PARD3B: variants seen among roughly 807,000 people sequenced by gnomAD.
PARD3B encodes partitioning defective 3 homolog B.
A neutral mutation model predicts 130.2 loss-of-function variants in PARD3B; 103 were observed. The ratio of observed to expected loss-of-function variants is 0.79; its 90% CI spans 0.67 to 0.93. PARD3B has a LOEUF of 0.93. Among genes scored for constraint, PARD3B ranks in the 40% least tolerant of loss-of-function variants. The pLI is 0.00. For synonymous variants in PARD3B, 583 were observed against 553.2 expected (o/e 1.05, Z -0.76); for missense variants, 1,609 against 1,499.2 (o/e 1.07, Z -1.21).
At chr2:205,120,248 A>G (rs945311969) in intron 7 of PARD3B, among the ~76,000 whole-genome samples, 1 of 152,184 alleles carries the variant, frequency 6.6e-6, no homozygotes, top group South Asian at 2.1e-4. Context: ...AGCAATCATT[A>G]TTACTTCTGT....
chr2:205,292,591 CT>C lies in PARD3B; in HGVS notation c.2186-7938del, dbSNP rs1470923747. On this transcript the variant is annotated intron_variant, in intron 16 of 22. Coordinates refer to ENST00000406610, the MANE Select transcript of PARD3B (RefSeq NM_001302769.2). The surrounding 1 kb of genome is among the most constrained non-coding windows in gnomAD (Gnocchi z 5.3). ...GCAGAGAACAACTCATTTCTCCAAA[CT>C]CCTGTTCCCTCCCAGACACACAGTC... is the stretch of plus-strand genomic sequence containing the variant. Among the ~76,000 whole-genome samples the C allele has an allele frequency of 6.6e-6, 1 of 152,182 alleles. No homozygotes were observed. Among genetic ancestry groups the C allele is most frequent in the Non-Finnish European group, 1.5e-5 (1 of 68,046 alleles).
Position 205,525,468 on chromosome 2 carries a change from C to G in PARD3B, c.3180+25437C>G, listed in dbSNP as rs903358213. Among the ~76,000 whole-genome samples the G allele has an allele frequency of 6.6e-6, 1 of 152,012 alleles. No homozygotes were observed. The highest frequency in any genetic ancestry group is 2.4e-5 in the African/African-American group (1 of 41,348). On this transcript the variant is annotated intron_variant, in intron 21 of 22. Coordinates refer to ENST00000406610, the MANE Select transcript of PARD3B (RefSeq NM_001302769.2). The surrounding 1 kb of genome is among the most constrained non-coding windows in gnomAD (Gnocchi z 4.2). ...CTGGGTGTTATGTATGCACAGTTACCTATGAACACAAAAAGGTTTAATTTT... is the reference window on the plus strand; with the variant it reads ...CTGGGTGTTATGTATGCACAGTTACGTATGAACACAAAAAGGTTTAATTTT...
intron 21 of PARD3B, among the ~76,000 whole-genome samples, chr2:205,514,460 G>T (rs1408357813): frequency 6.6e-6 from 1 of 151,978 alleles, no homozygotes; most frequent in Non-Finnish European, 1.5e-5. Flanking sequence ...AACCCACATG[G>T]TGCTATTTCA....
At position 205,229,559 on chromosome 2, in the gene PARD3B, C is replaced by A. The variant is rs1471173534; in HGVS notation, c.2141-16219C>A. 6.6e-6 allele frequency among the ~76,000 whole-genome samples: 1 copy of A among 152,092 alleles called. No individual in the cohort carries two copies. The highest frequency in any genetic ancestry group is 6.5e-5 in the Admixed American group (1 of 15,280). On this transcript the variant is annotated intron_variant, in intron 15 of 22. Coordinates refer to ENST00000406610, the MANE Select transcript of PARD3B (RefSeq NM_001302769.2). This position sits in a 1 kb window ranked among gnomAD's most constrained non-coding sequence, Gnocchi z 5.2. ...ACCTAGAACCGGTGTAGGGCTGACACAAGCACCCTGTGGCCACTACGACTA... is the reference window on the plus strand; with the variant it reads ...ACCTAGAACCGGTGTAGGGCTGACAAAAGCACCCTGTGGCCACTACGACTA...
At position 204,967,203 on chromosome 2, in the gene PARD3B, G is replaced by A. The variant is rs1391028158; in HGVS notation, c.394+1880G>A. On this transcript the variant is annotated intron_variant, in intron 3 of 22. Coordinates refer to ENST00000406610, the MANE Select transcript of PARD3B (RefSeq NM_001302769.2). This position sits in a 1 kb window ranked among gnomAD's most constrained non-coding sequence, Gnocchi z 4.4. Reference sequence around the variant, plus strand: ...GATTAAATGATGAGACTAGCTCACTGTTAGGTGGGAAACATTCCCTTCCAA... The same window carrying A: ...GATTAAATGATGAGACTAGCTCACTATTAGGTGGGAAACATTCCCTTCCAA... Among the ~76,000 whole-genome samples the A allele has an allele frequency of 6.6e-6, 1 of 152,160 alleles. No homozygotes were observed. The highest frequency in any genetic ancestry group is 6.5e-5 in the Admixed American group (1 of 15,276).
chr2:205,162,149 C>T (rs544008160), intron 11 of PARD3B, among the ~76,000 whole-genome samples: 1 of 152,290 alleles, frequency 6.6e-6, no homozygotes, highest in African/African-American at 2.4e-5. Flanking sequence ...GCCAGCTACT[C>T]TAGGACGCCC....
chr2:204,785,876 G>A (rs2041990306), intron 2 of PARD3B, among the ~76,000 whole-genome samples: 1 of 152,144 alleles, frequency 6.6e-6, no homozygotes, highest in East Asian at 1.9e-4. Context: ...CACTTTGGGA[G>A]GCCAAGGCAG....
intron 2 of PARD3B, among the ~76,000 whole-genome samples, chr2:204,707,228 A>G (rs2038210949): frequency 6.6e-6 from 1 of 152,164 alleles, no homozygotes; most frequent in African/African-American, 2.4e-5. Flanking sequence ...AGACCACATG[A>G]AGCCCGAGTG....
intron 2 of PARD3B, among the ~76,000 whole-genome samples, chr2:204,954,676 G>A (rs1236600674): frequency 6.6e-6 from 1 of 152,158 alleles, no homozygotes; most frequent in East Asian, 1.9e-4. Flanking sequence ...TTGTGTTATA[G>A]GCTACCAGGG....
At chr2:204,746,113 T>C (rs2040214724) in intron 2 of PARD3B, among the ~76,000 whole-genome samples, 1 of 142,064 alleles carries the variant, frequency 7.0e-6, no homozygotes, top group African/African-American at 2.6e-5. Flanking sequence ...GTATATCTCC[T>C]AATGCTATCC....
At chr2:204,847,798 G>A (rs2044525529) in intron 2 of PARD3B, among the ~76,000 whole-genome samples, 1 of 152,114 alleles carries the variant, frequency 6.6e-6, no homozygotes, top group Non-Finnish European at 1.5e-5. Flanking sequence ...ATTGTCAAGT[G>A]CCTTAAGTGA....
chr2:205,353,196 A>G (rs1215327876), intron 18 of PARD3B, among the ~76,000 whole-genome samples: 3 of 152,212 alleles, frequency 2.0e-5, no homozygotes, highest in Non-Finnish European at 4.4e-5. Flanking sequence ...ATGCACAGGA[A>G]ACAGTGCAAA....
intron 18 of PARD3B, among the ~76,000 whole-genome samples, chr2:205,339,179 T>C (rs1559678249): frequency 6.6e-6 from 1 of 152,170 alleles, no homozygotes; most frequent in African/African-American, 2.4e-5. Flanking sequence ...CAGTTCATCA[T>C]CTAAGAAATA....
At chr2:205,373,426 GT>G (rs5837970) in intron 18 of PARD3B, among the ~76,000 whole-genome samples, 2,487 of 152,214 alleles carry the variant, frequency 0.016, 228 homozygotes, top group Admixed American at 0.14. Flanking sequence ...TGGATTATGG[GT>G]TTTTTTCTGT....
chr2:204,582,081 A>G (rs2032585242), intron 1 of PARD3B, among the ~76,000 whole-genome samples: 1 of 152,186 alleles, frequency 6.6e-6, no homozygotes. Context: ...CTGGGGAAGT[A>G]GCAGTGACAG....
chr2:205,304,273 G>A (rs2042112252), intron 18 of PARD3B, among the ~76,000 whole-genome samples: 1 of 152,132 alleles, frequency 6.6e-6, no homozygotes, highest in South Asian at 2.1e-4. Flanking sequence ...ACTTGCTGCG[G>A]TCCTGCTATC....
intron 2 of PARD3B, among the ~76,000 whole-genome samples, chr2:204,752,817 A>G (rs1047661825): frequency 2.0e-5 from 3 of 152,124 alleles, no homozygotes; most frequent in African/African-American, 7.2e-5. Context: ...CTCATCTGTG[A>G]GGTTTTAGTT....
Position 205,230,122 on chromosome 2 carries a change from G to A in PARD3B, c.2141-15656G>A, listed in dbSNP as rs1035173919. Among the ~76,000 whole-genome samples the A allele has an allele frequency of 2.0e-5, 3 of 151,928 alleles. No individual in the cohort carries two copies. Among genetic ancestry groups the A allele is most frequent in the South Asian group, 2.1e-4 (1 of 4,820 alleles). ...GTGGAATTGGTGATCCCAAGAACCC[G>A]CTTTGTGCTCTATACCACTACGGCT... On this transcript the variant is annotated intron_variant, in intron 15 of 22. Transcript: ENST00000406610. This position sits in a 1 kb window ranked among gnomAD's most constrained non-coding sequence, Gnocchi z 4.1.
intron 16 of PARD3B, among the ~76,000 whole-genome samples, chr2:205,250,644 C>A (rs1269088618): frequency 6.6e-6 from 1 of 152,030 alleles, no homozygotes; most frequent in African/African-American, 2.4e-5. Context: ...AATACTTGAT[C>A]TCAGCTGGGC....
Sources: allele counts gnomAD v4.1 joint callset (sites outside exome capture counted in the v4.1 genomes callset), GRCh38; gene constraint gnomAD v4.1.1; non-coding constraint Gnocchi (gnomAD v3.1); transcripts MANE v1.5; gene names NCBI Gene and HGNC (gene_info 2026-07-23, HGNC 2026-07-21).